The following TMEM9 variants were observed in gnomAD, a reference collection of about 807,000 sequenced individuals.
TMEM9 encodes the protein proton-transporting V-type ATPase complex assembly regulator TMEM9.
TMEM9 carries 13 observed loss-of-function variants against 22.8 expected under a neutral mutation model. The observed-to-expected ratio is 0.57, with a 90% CI of 0.37 to 0.91. The LOEUF (loss-of-function observed/expected upper bound fraction) is 0.91, where lower values mean the gene tolerates loss of function less well. Ranked by LOEUF, TMEM9 falls within the 40% of genes least tolerant of loss-of-function variation. The pLI, the probability that TMEM9 is intolerant of heterozygous loss-of-function variation, is 0.01. For synonymous variants in TMEM9, 88 were observed against 93.0 expected (o/e 0.95, Z 0.31); for missense variants, 182 against 238.1 (o/e 0.76, Z 1.55).
At chr1:201,152,510 A>G (rs1572129330) in intron 1 of TMEM9, among the ~76,000 whole-genome samples, 1 of 152,210 alleles carries the variant, frequency 6.6e-6, no homozygotes, top group Non-Finnish European at 1.5e-5. Context: ...CTACCCAAAC[A>G]GCTCCACAGG....
upstream of TMEM9, among the ~76,000 whole-genome samples, chr1:201,159,484 TAC>T (rs60273477): frequency 0.31 from 45,230 of 147,332 alleles, 7,258 homozygotes; most frequent in East Asian, 0.45. Flanking sequence ...TGCCTTTTTA[TAC>T]ACACACACAC....
chr1:201,152,159 TGG>T (rs56085958), intron 1 of TMEM9, among the ~76,000 whole-genome samples: 27 of 95,810 alleles, frequency 2.8e-4, no homozygotes, highest in African/African-American at 1.5e-3. Context: ...TGAGGGGAAA[TGG>T]GTGTGTGTGT....
At chr1:201,162,188 T>C (rs948703373) in intron 1 of TMEM9, among the ~76,000 whole-genome samples, 4 of 150,248 alleles carry the variant, frequency 2.7e-5, no homozygotes, top group Non-Finnish European at 5.9e-5. Flanking sequence ...TTTTTTTTTT[T>C]CCTGAGACAG....
chr1:201,144,078 G>C (rs1664760457), intron 3 of TMEM9, 127 bp from the exon 4 acceptor site: 7 of 1,025,954 alleles, frequency 6.8e-6, no homozygotes, highest in Non-Finnish European at 8.6e-6. Flanking sequence ...GAAAGGACTT[G>C]GAGGCAACGT....
At chr1:201,151,686 G>C (rs1248637666) in intron 2 of TMEM9, 75 bp downstream of exon 2, 1 of 1,083,314 alleles carries the variant, frequency 9.2e-7, no homozygotes, top group Non-Finnish European at 1.4e-6. Flanking sequence ...TTATCCTCCA[G>C]GGTCCAAGAA....
chr1:201,136,074 AAGGAAGCACTCC>A (rs1487293613), intron 4 of TMEM9, among the ~76,000 whole-genome samples: 1 of 152,130 alleles, frequency 6.6e-6, no homozygotes, highest in Non-Finnish European at 1.5e-5. Flanking sequence ...GGGCCTGGGA[AAGGAAGCACTCC>A]AGGAAGAGTA....
intron 4 of TMEM9, among the ~76,000 whole-genome samples, chr1:201,140,335 C>T (rs1664411239): frequency 6.6e-6 from 1 of 152,234 alleles, no homozygotes; most frequent in Admixed American, 6.5e-5. Context: ...CCAACCTGCA[C>T]ATCTAAAACA....
intron 1 of TMEM9, among the ~76,000 whole-genome samples, chr1:201,152,504 C>A (rs988988614): frequency 1.3e-5 from 2 of 152,036 alleles, no homozygotes; most frequent in African/African-American, 4.8e-5. Flanking sequence ...ATAGATCTAC[C>A]CAAACAGCTC....
At position 201,135,779 on chromosome 1, in the gene TMEM9, C is replaced by T. The variant is rs376137963; in HGVS notation, c.436G>A (p.Gly146Arg). The T allele has an allele frequency of 2.5e-5, 40 of 1,611,888 alleles. No homozygotes were observed. Among genetic ancestry groups the T allele is most frequent in the South Asian group, 4.4e-5 (4 of 90,722 alleles). ...AGGACTGTGTTTGCTCGGGGTCCCC[C>T]GAGGGATGCAGCAGCTGCTGCCATA... is the stretch of plus-strand genomic sequence containing the variant. ...RSMAAAAASL[G>R]GPRANTVLER... Residue 146 changes from glycine to arginine, a missense_variant, in exon 5 of 5, where the codon GGG (glycine) becomes AGG (arginine). Physicochemically the swap from Gly to Arg is moderately radical, Grantham distance 125. Coordinates refer to ENST00000367330, the MANE Select transcript of TMEM9 (RefSeq NM_001288565.2).
At chr1:201,141,281 C>A (rs1005997357) in intron 4 of TMEM9, among the ~76,000 whole-genome samples, 1 of 152,240 alleles carries the variant, frequency 6.6e-6, no homozygotes, top group African/African-American at 2.4e-5. Flanking sequence ...GGGCTTAAAC[C>A]CCCGAGGGCA....
chr1:201,161,767 C>G (rs190666596), intron 1 of TMEM9, among the ~76,000 whole-genome samples: 2 of 152,318 alleles, frequency 1.3e-5, no homozygotes, highest in South Asian at 4.1e-4. Flanking sequence ...AAGGAACACA[C>G]TTTGGGAAGT....
intron 1 of TMEM9, among the ~76,000 whole-genome samples, chr1:201,152,852 G>A (rs1157251815): frequency 2.0e-5 from 3 of 152,198 alleles, no homozygotes; most frequent in African/African-American, 7.2e-5. Context: ...ATAGCAGAGC[G>A]CATTCATAAC....
intron 1 of TMEM9, among the ~76,000 whole-genome samples, chr1:201,163,589 C>CA: frequency 6.6e-6 from 1 of 150,986 alleles, no homozygotes; most frequent in South Asian, 2.1e-4. Context: ...GATTACGTCT[C>CA]AAAAAATAGA....
At chr1:201,154,766 C>A (rs1665728871), upstream of TMEM9, among the ~76,000 whole-genome samples, 1 of 152,166 alleles carries the variant, frequency 6.6e-6, no homozygotes, top group African/African-American at 2.4e-5. Flanking sequence ...AGAAAGAAAG[C>A]GCTTTATACA....
chr1:201,159,539 T>A (rs1302718184), intron 1 of TMEM9, among the ~76,000 whole-genome samples: 1 of 151,082 alleles, frequency 6.6e-6, no homozygotes, highest in Non-Finnish European at 1.5e-5. Flanking sequence ...CAACACCACT[T>A]GACTAAAGCA....
At chr1:201,155,986 G>T (rs183376087), upstream of TMEM9, among the ~76,000 whole-genome samples, 77 of 152,232 alleles carry the variant, frequency 5.1e-4, no homozygotes, top group East Asian at 0.012. Flanking sequence ...CCTACCTCGT[G>T]GGGGCAGAAG....
At position 201,135,790 on chromosome 1, in the gene TMEM9, G is replaced by A. The variant is rs768986532; in HGVS notation, c.425C>T (p.Ala142Val). The change falls in exon 5 of 5, where the codon GCT (alanine) becomes GTT (valine). Residue 142 changes from alanine (A) to valine (V), a missense_variant. Physicochemically the swap from Ala to Val is moderately conservative, Grantham distance 64. Coordinates refer to ENST00000367330, the MANE Select transcript of TMEM9 (RefSeq NM_001288565.2). ...TGCTCGGGGTCCCCCGAGGGATGCA[G>A]CAGCTGCTGCCATAGAGCGAGCATC... ...NEDARSMAAA[A>V]ASLGGPRANT... is the part of the protein sequence containing the mutation. The A allele has an allele frequency of 3.1e-6, 5 of 1,610,532 alleles. No individual in the cohort carries two copies. Among genetic ancestry groups the A allele is most frequent in the Non-Finnish European group, 4.2e-6 (5 of 1,178,568 alleles).
intron 4 of TMEM9, among the ~76,000 whole-genome samples, chr1:201,138,730 T>G (rs560015816): frequency 8.5e-5 from 13 of 152,336 alleles, no homozygotes; most frequent in Middle Eastern, 6.8e-3. Flanking sequence ...CACTGGCAAA[T>G]GGGTAAAACC....
intron 1 of TMEM9, among the ~76,000 whole-genome samples, chr1:201,162,478 A>C (rs1665970445): frequency 6.6e-6 from 1 of 151,714 alleles, no homozygotes. Context: ...TAAGCAATGA[A>C]GCGGAGGAAA....
Sources: allele counts gnomAD v4.1 joint callset (sites outside exome capture counted in the v4.1 genomes callset), GRCh38; gene constraint gnomAD v4.1.1; transcripts MANE v1.5; gene names NCBI Gene and HGNC (gene_info 2026-07-23, HGNC 2026-07-21).